The following TSHZ3 variants were observed in gnomAD, a reference collection of about 807,000 sequenced individuals.
The protein encoded by TSHZ3 is teashirt zinc finger homeobox 3, also known as teashirt homolog 3.
A neutral mutation model predicts 64.5 loss-of-function variants in TSHZ3; 10 were observed. The observed-to-expected ratio is 0.16, with a 90% CI of 0.10 to 0.26. The LOEUF (loss-of-function observed/expected upper bound fraction) is 0.26. TSHZ3 is among the 10% of genes least tolerant of loss of function. TSHZ3 has a pLI of 1.00. For synonymous variants in TSHZ3, 608 were observed against 593.1 expected (o/e 1.03, Z -0.36); for missense variants, 1,242 against 1,421.7 (o/e 0.87, Z 2.03).
Position 31,276,874 on chromosome 19 carries a change from G to A in TSHZ3, c.2919C>T (p.His973=), listed in dbSNP as rs1976245675. The A allele has an allele frequency of 1.2e-6, 2 of 1,614,116 alleles. No homozygotes were observed. The highest frequency in any genetic ancestry group is 2.7e-5 in the African/African-American group (2 of 74,934). The change falls in exon 2 of 2, where the codon CAC becomes CAT. Residue 973 remains histidine (H), a synonymous_variant. Coordinates refer to ENST00000240587, the MANE Select transcript of TSHZ3 (RefSeq NM_020856.4). ...CACAATCGTTACAAAAGAAGACGGGGTGGCCAGTGTCCAAGTTTTTGAGGA... is the reference window on the plus strand; with the variant it reads ...CACAATCGTTACAAAAGAAGACGGGATGGCCAGTGTCCAAGTTTTTGAGGA... The part of the protein sequence containing the change: ...TKFLKNLDTG[H]PVFFCNDCAS...
chr19:31,334,553 A>C (rs1309122543), intron 1 of TSHZ3, among the ~76,000 whole-genome samples: 1 of 152,208 alleles, frequency 6.6e-6, no homozygotes, highest in Non-Finnish European at 1.5e-5. Flanking sequence ...CTAAGGCTTC[A>C]GGCAAAGCCA....
intron 4 of TSHZ3, among the ~76,000 whole-genome samples, chr19:31,206,145 A>C (rs1975169453): frequency 6.6e-6 from 1 of 151,778 alleles, no homozygotes; most frequent in East Asian, 2.0e-4. Context: ...GAATGGATGG[A>C]TGTGTGAATG....
intron 3 of TSHZ3, among the ~76,000 whole-genome samples, chr19:31,228,715 G>A (rs1975503546): frequency 1.3e-5 from 2 of 152,030 alleles, no homozygotes; most frequent in African/African-American, 2.4e-5. Context: ...TGCAGAGAGT[G>A]GTGTTCAGAT....
At position 31,330,715 on chromosome 19, in the gene TSHZ3, GA is replaced by G. The variant is rs928411693; in HGVS notation, c.40+18464del. 7.3e-3 allele frequency among the ~76,000 whole-genome samples: 1,102 copies of G among 151,130 alleles called. 17 individuals are homozygous for G. Among genetic ancestry groups the G allele is most frequent in the African/African-American group, 0.017 (687 of 41,154 alleles). ...GTGCTGTTTAATCCTTGGGCGGGGG[GA>G]GGAAAGTCCAGAACACCTATGGGTC... is the stretch of plus-strand genomic sequence containing the variant. On this transcript the variant is annotated intron_variant, in intron 1 of 1. Coordinates refer to ENST00000240587, the MANE Select transcript of TSHZ3 (RefSeq NM_020856.4).
rs1453207775 is a variant in TSHZ3, at chr19:31,235,694, T to C, written n.550+6575A>G. Among the ~76,000 whole-genome samples, 303 of 140,858 alleles carry C rather than the reference T, an allele frequency of 2.2e-3. 1 individual carries two copies. Among genetic ancestry groups the C allele is most frequent in the Non-Finnish European group, 4.0e-3 (259 of 65,522 alleles). 92.4% of individuals were successfully genotyped at this position (140,858 alleles called of 152,430 possible). ...TCTTCTTTCTTTCTTTCTTCTCCTC[T>C]TCTTCTTTTTTTTTTTTTTTTTTTT... On this transcript the variant is annotated intron_variant and non_coding_transcript_variant, in intron 3 of 6. Transcript: ENST00000651361.
At chr19:31,327,079 TA>T (rs1012527007) in intron 1 of TSHZ3, among the ~76,000 whole-genome samples, 13 of 147,272 alleles carry the variant, frequency 8.8e-5, no homozygotes, top group South Asian at 2.1e-4. Flanking sequence ...TCTGTTTCAT[TA>T]AAAAAAAAAC....
At chr19:31,180,876 A>G (rs114585451) in intron 5 of TSHZ3, among the ~76,000 whole-genome samples, 2,126 of 152,294 alleles carry the variant, frequency 0.014, 41 homozygotes, top group African/African-American at 0.049. Flanking sequence ...GTAATTCTGT[A>G]TCTACTACCA....
chr19:31,202,459 C>A (rs976762390), intron 5 of TSHZ3, among the ~76,000 whole-genome samples: 2 of 151,938 alleles, frequency 1.3e-5, no homozygotes, highest in African/African-American at 4.8e-5. Context: ...TTTTTCAATT[C>A]ATATAACCAT....
At chr19:31,349,981 C>G (rs1208174801), upstream of TSHZ3, among the ~76,000 whole-genome samples, 1 of 147,848 alleles carries the variant, frequency 6.8e-6, no homozygotes, top group Non-Finnish European at 1.5e-5. Flanking sequence ...GCCTCCGCCC[C>G]GTGCGCACAC....
intron 5 of TSHZ3, among the ~76,000 whole-genome samples, chr19:31,199,400 CAAAAAAAAAA>C (rs61428496): frequency 4.1e-5 from 4 of 98,586 alleles, no homozygotes; most frequent in Non-Finnish European, 4.0e-5. Flanking sequence ...GAGACTCCGC[CAAAAAAAAAA>C]AAAAAAAAAA....
chr19:31,154,255 A>T (rs561717245), intron 6 of TSHZ3, among the ~76,000 whole-genome samples: 1 of 152,322 alleles, frequency 6.6e-6, no homozygotes, highest in East Asian at 1.9e-4. Flanking sequence ...ATTGTTGTGT[A>T]CCACTGACAT....
intron 4 of TSHZ3, among the ~76,000 whole-genome samples, chr19:31,220,242 C>T (rs987437676): frequency 6.6e-6 from 1 of 152,174 alleles, no homozygotes; most frequent in African/African-American, 2.4e-5. Context: ...GAGGAAGGAA[C>T]AGGGGCCTGG....
chr19:31,156,930 T>G (rs1974312780), intron 5 of TSHZ3, among the ~76,000 whole-genome samples: 1 of 152,190 alleles, frequency 6.6e-6, no homozygotes, highest in Admixed American at 6.5e-5. Context: ...AGGCCACTTC[T>G]GCTGCCCAAT....
intron 1 of TSHZ3, among the ~76,000 whole-genome samples, chr19:31,262,228 G>T (rs1975989684): frequency 6.6e-6 from 1 of 152,232 alleles, no homozygotes; most frequent in Admixed American, 6.5e-5. Context: ...CTTAAAATAT[G>T]CATAGCAGTG....
At position 31,268,694 on chromosome 19, in the gene TSHZ3, T is replaced by C. The variant is rs144178929; in HGVS notation, n.64-25819A>G. 2.6e-4 allele frequency among the ~76,000 whole-genome samples: 40 copies of C among 152,220 alleles called. 1 individual carries two copies. The East Asian group carries it at 5.8e-3, about 22-fold the overall frequency. On this transcript the variant is annotated intron_variant and non_coding_transcript_variant, in intron 1 of 6. Transcript: ENST00000651361. ...GAGCTTGTGCCACCCGAGAAGAATA[T>C]CAGGACATGACTCCTTGGGTTGAAA...
intron 5 of TSHZ3, among the ~76,000 whole-genome samples, chr19:31,159,266 G>T (rs1486834666): frequency 6.6e-6 from 1 of 152,144 alleles, no homozygotes; most frequent in Non-Finnish European, 1.5e-5. Flanking sequence ...TTCACAAATT[G>T]CTGGGATTAC....
chr19:31,252,811 C>A (rs552136710), intron 1 of TSHZ3, among the ~76,000 whole-genome samples: 4 of 152,122 alleles, frequency 2.6e-5, no homozygotes, highest in Admixed American at 2.6e-4. Context: ...GGCAAAGACC[C>A]TTTTTCCAAA....
downstream of TSHZ3, among the ~76,000 whole-genome samples, chr19:31,270,949 G>T (rs1976126474): frequency 6.6e-6 from 1 of 152,170 alleles, no homozygotes; most frequent in Non-Finnish European, 1.5e-5. Context: ...TCTCTGATCT[G>T]CTATCATTAG....
intron 1 of TSHZ3, among the ~76,000 whole-genome samples, chr19:31,347,565 T>C (rs2021554805): frequency 6.6e-6 from 1 of 152,312 alleles, no homozygotes; most frequent in African/African-American, 2.4e-5. Flanking sequence ...GATAAGCTCA[T>C]TGCTTGAGCC....
Sources: allele counts gnomAD v4.1 joint callset (sites outside exome capture counted in the v4.1 genomes callset), GRCh38; gene constraint gnomAD v4.1.1; transcripts MANE v1.5; gene names NCBI Gene and HGNC (gene_info 2026-07-23, HGNC 2026-07-21).